The following RAMP1 variants were observed in gnomAD, a reference collection of about 807,000 sequenced individuals.
RAMP1 encodes the protein receptor activity-modifying protein 1.
A neutral mutation model predicts 8.2 loss-of-function variants in RAMP1; 7 were observed. The ratio of observed to expected loss-of-function variants is 0.85; its 90% CI spans 0.49 to 1.60. The LOEUF (loss-of-function observed/expected upper bound fraction) is 1.60. Among genes scored for constraint, RAMP1 ranks in the 40% most tolerant of loss-of-function variants. The probability of loss-of-function intolerance (pLI) is 0.00; values close to 1 mark genes in which losing one functional copy is unlikely to be tolerated. For synonymous variants in RAMP1, 92 were observed against 84.7 expected, an observed-to-expected ratio of 1.09 and a Z score of -0.47; for missense variants, 192 against 202.4, an observed-to-expected ratio of 0.95 and a Z score of 0.31.
chr2:237,889,699 G>A (rs1341272074), intron 2 of RAMP1, among the ~76,000 whole-genome samples: 5 of 152,074 alleles, frequency 3.3e-5, no homozygotes, highest in Non-Finnish European at 7.4e-5. Context: ...TCCATAAAAA[G>A]TCATTGCAGC....
At chr2:237,880,544 G>A (rs984974424) in intron 2 of RAMP1, among the ~76,000 whole-genome samples, 6 of 152,258 alleles carry the variant, frequency 3.9e-5, no homozygotes, top group Admixed American at 2.6e-4. Context: ...TGGAACCCAC[G>A]GAACCATACA....
intron 2 of RAMP1, among the ~76,000 whole-genome samples, chr2:237,893,240 A>C (rs13383109): frequency 8.3e-4 from 127 of 152,382 alleles, no homozygotes; most frequent in African/African-American, 3.0e-3. Flanking sequence ...CAGAGAAGGC[A>C]GAAGGGATTG....
chr2:237,869,429 A>C (rs946524309), intron 1 of RAMP1, among the ~76,000 whole-genome samples: 1 of 152,176 alleles, frequency 6.6e-6, no homozygotes, highest in African/African-American at 2.4e-5. Flanking sequence ...TGTCCCAGTT[A>C]AACACTAACC....
At chr2:237,905,539 G>T (rs1260426757) in intron 2 of RAMP1, among the ~76,000 whole-genome samples, 1 of 152,208 alleles carries the variant, frequency 6.6e-6, no homozygotes, top group Non-Finnish European at 1.5e-5. Context: ...GCTCCTTCCT[G>T]TTCTGTTTGG....
chr2:237,880,029 C>T (rs1029338236), intron 2 of RAMP1, among the ~76,000 whole-genome samples: 6 of 148,260 alleles, frequency 4.0e-5, no homozygotes, highest in African/African-American at 1.5e-4. Context: ...AATTTAGGAA[C>T]CAAGAAGGAA....
chr2:237,907,616 C>G (rs1396990594), intron 2 of RAMP1, among the ~76,000 whole-genome samples: 1 of 152,118 alleles, frequency 6.6e-6, no homozygotes, highest in Non-Finnish European at 1.5e-5. Flanking sequence ...AAGGAATTCT[C>G]TCTGATGCCA....
In RAMP1 at chr2:237,862,538, T is replaced by C. The variant is rs953584282; in HGVS notation, c.52+2811T>C. On this transcript the variant is annotated intron_variant, in intron 1 of 2. Transcript: ENST00000254661. This position sits in a 1 kb window ranked among gnomAD's most constrained non-coding sequence, Gnocchi z 4.0. ...AGTTGGAAAAGTCTGTCCTGATTTT[T>C]TTCCCCAGAATGCGCCCATTTCATA... Among the ~76,000 whole-genome samples, 3 of 152,246 alleles carry C rather than the reference T, an allele frequency of 2.0e-5. No individual in the cohort carries two copies. Among genetic ancestry groups the C allele is most frequent in the African/African-American group, 7.2e-5 (3 of 41,462 alleles).
chr2:237,875,249 G>A (rs1358489877), intron 1 of RAMP1, among the ~76,000 whole-genome samples: 1 of 152,140 alleles, frequency 6.6e-6, no homozygotes, highest in Non-Finnish European at 1.5e-5. Flanking sequence ...CCCCAGGGTG[G>A]GGGGTGCATC....
intron 2 of RAMP1, among the ~76,000 whole-genome samples, chr2:237,898,388 A>G (rs2062563585): frequency 6.6e-6 from 1 of 151,884 alleles, no homozygotes. Flanking sequence ...GTTTGATTGT[A>G]CTCTCTGACC....
intron 2 of RAMP1, among the ~76,000 whole-genome samples, chr2:237,899,197 A>C (rs546527728): frequency 3.9e-5 from 6 of 152,132 alleles, no homozygotes; most frequent in African/African-American, 1.2e-4. Context: ...CAGCCTCCTG[A>C]GTAGCTGGGA....
chr2:237,901,492 G>A (rs1017314904), intron 2 of RAMP1, among the ~76,000 whole-genome samples: 2 of 152,208 alleles, frequency 1.3e-5, no homozygotes, highest in African/African-American at 4.8e-5. Flanking sequence ...AGCATAGGGT[G>A]GCCTTGTGAA....
At chr2:237,867,459 C>T (rs3820803) in intron 1 of RAMP1, among the ~76,000 whole-genome samples, 2 of 143,250 alleles carry the variant, frequency 1.4e-5, no homozygotes, top group East Asian at 4.1e-4. Flanking sequence ...TCCTTTGGGG[C>T]CAGATGCTTT....
chr2:237,896,739 G>A (rs1359422077), intron 2 of RAMP1, among the ~76,000 whole-genome samples: 1 of 152,166 alleles, frequency 6.6e-6, no homozygotes, highest in East Asian at 1.9e-4. Context: ...TTGACTTCCT[G>A]GACTCAAGCA....
chr2:237,888,076 C>A (rs981483473), intron 2 of RAMP1, among the ~76,000 whole-genome samples: 2 of 151,720 alleles, frequency 1.3e-5, no homozygotes, highest in African/African-American at 2.4e-5. Context: ...TTTTTTGAGA[C>A]AGAATCCTGC....
chr2:237,895,181 G>A (rs1292081097), intron 2 of RAMP1, among the ~76,000 whole-genome samples: 1 of 152,120 alleles, frequency 6.6e-6, no homozygotes, highest in African/African-American at 2.4e-5. Context: ...AGTCAGGAGC[G>A]AGACAGGAGG....
At chr2:237,900,599 A>G in intron 2 of RAMP1, among the ~76,000 whole-genome samples, 1 of 152,140 alleles carries the variant, frequency 6.6e-6, no homozygotes. Context: ...AATAATTTAT[A>G]ACTATTAATT....
chr2:237,883,912 C>CTTTTT lies in RAMP1; in HGVS notation c.191+6570_191+6574dup, dbSNP rs34291315. On this transcript the variant is annotated intron_variant, in intron 2 of 2. Transcript: ENST00000254661. ...GTCCCTGCCCTGGCCTGTAGGTCCA[C>CTTTTT]TTTTTTTTTTTTTTTTTTTTTTTTG... Among the ~76,000 whole-genome samples the CTTTTT allele has an allele frequency of 7.4e-4, 69 of 92,986 alleles. 4 individuals are homozygous for CTTTTT. Among genetic ancestry groups the CTTTTT allele is most frequent in the African/African-American group, 3.4e-3 (64 of 19,030 alleles). The allele number at this position is 92,986 out of a possible 152,430, so 61.0% of individuals were successfully genotyped here. A position where few individuals can be genotyped will look rare whatever the true frequency, so the allele number is the denominator to read the frequency against.
At chr2:237,860,241 G>T (rs1322536415) in intron 1 of RAMP1, among the ~76,000 whole-genome samples, 1 of 152,254 alleles carries the variant, frequency 6.6e-6, no homozygotes, top group Non-Finnish European at 1.5e-5. Context: ...CTGACAATCT[G>T]TCGCCTGCAG....
intron 1 of RAMP1, 200 bp downstream of exon 1, chr2:237,859,927 G>A (rs2062116160): frequency 4.1e-6 from 2 of 489,740 alleles, no homozygotes; most frequent in East Asian, 3.7e-5. Context: ...CGGAGGGCGC[G>A]GACCGGTGTT....
Sources: gnomAD v4.1 joint callset for allele counts (sites outside exome capture counted in the v4.1 genomes callset) on GRCh38, gnomAD v4.1.1 for gene constraint, Gnocchi (gnomAD v3.1) non-coding constraint, MANE v1.5 for transcripts, NCBI Gene and HGNC (gene_info 2026-07-23, HGNC 2026-07-21) for gene names.